Variants in TRPC4 observed in about 807,000 individuals in gnomAD.
TRPC4 encodes transient receptor potential cation channel subfamily C member 4.
In TRPC4, 49 loss-of-function variants were observed where a neutral mutation model predicts 99.4. The ratio of observed to expected loss-of-function variants is 0.49; its 90% CI spans 0.39 to 0.63. The LOEUF (loss-of-function observed/expected upper bound fraction) is 0.63, where lower values mean the gene tolerates loss of function less well. Among genes scored for constraint, TRPC4 ranks in the 20% least tolerant of loss-of-function variants. TRPC4 has a pLI of 0.00. For missense variants in TRPC4, 898 were observed against 1,152.9 expected (o/e 0.78, Z 3.20); for synonymous variants, 454 against 425.9 (o/e 1.07, Z -0.81).
intron 4 of TRPC4, among the ~76,000 whole-genome samples, chr13:37,678,255 A>G (rs1953124411): frequency 6.6e-6 from 1 of 152,068 alleles, no homozygotes; most frequent in African/African-American, 2.4e-5. Flanking sequence ...CAGAAAGAAG[A>G]AAATAACAAA....
At chr13:37,748,515 G>A (rs1410805961) in intron 2 of TRPC4, among the ~76,000 whole-genome samples, 1 of 151,840 alleles carries the variant, frequency 6.6e-6, no homozygotes, top group Non-Finnish European at 1.5e-5. Flanking sequence ...GTATTAAAGA[G>A]AGATATAGTA....
intron 3 of TRPC4, among the ~76,000 whole-genome samples, chr13:37,745,473 TACACAC>T (rs370854698): frequency 0.071 from 378 of 5,298 alleles, 12 homozygotes; most frequent in African/African-American, 0.09. Flanking sequence ...TATATATATA[TACACAC>T]ACACACACAC....
At chr13:37,698,167 CTT>C (rs67611413) in intron 3 of TRPC4, among the ~76,000 whole-genome samples, 1 of 42,556 alleles carries the variant, frequency 2.3e-5, no homozygotes, top group Non-Finnish European at 3.7e-5. Flanking sequence ...AAGGACTAAC[CTT>C]TTTTTTTTTG....
chr13:37,651,381 T>A lies in TRPC4; in HGVS notation c.1963A>T (p.Thr655Ser). ...SYFEEGGTLP[T>S]PFNVIPSPKS... ...GGGCTCGGGATGACATTGAAGGGAGTAGGCAGAGTACCTCCTTCTTCAAAA... is the reference window on the plus strand; with the variant it reads ...GGGCTCGGGATGACATTGAAGGGAGAAGGCAGAGTACCTCCTTCTTCAAAA... Residue 655 changes from threonine to serine, a missense_variant, in exon 8 of 11, where the codon ACT becomes TCT. Physicochemically the swap from Thr to Ser is moderately conservative, Grantham distance 58. Coordinates refer to ENST00000379705, the MANE Select transcript of TRPC4 (RefSeq NM_016179.4). 2 of 1,613,920 alleles carry A rather than the reference T, an allele frequency of 1.2e-6. No individual in the cohort carries two copies. Among genetic ancestry groups the A allele is most frequent in the Non-Finnish European group, 1.7e-6 (2 of 1,179,926 alleles).
intron 1 of TRPC4, among the ~76,000 whole-genome samples, chr13:37,836,597 T>G (rs1018170899): frequency 6.6e-5 from 10 of 152,238 alleles, no homozygotes; most frequent in African/African-American, 2.2e-4. Context: ...ACTTTGAACT[T>G]GAGAGAGATG....
At chr13:37,769,223 T>A (rs1956476960) in intron 2 of TRPC4, among the ~76,000 whole-genome samples, 1 of 151,490 alleles carries the variant, frequency 6.6e-6, no homozygotes, top group Non-Finnish European at 1.5e-5. Context: ...TGTTTGAAAC[T>A]ATACATATAT....
Position 37,783,076 on chromosome 13 carries a change from G to C in TRPC4, c.258C>G (p.Ile86Met). 3 of 1,613,228 alleles carry C rather than the reference G, an allele frequency of 1.9e-6. No individual in the cohort carries two copies. Among genetic ancestry groups the C allele is most frequent in the South Asian group, 2.2e-5 (2 of 91,050 alleles). Residue 86 changes from isoleucine (I) to methionine (M), a missense_variant, in exon 2 of 11, where the codon ATC (isoleucine) becomes ATG (methionine). Around this residue, in one of 3 missense-constraint regions of TRPC4, gnomAD observed 278 missense variants for 346.6 expected, o/e 0.80. Coordinates refer to ENST00000379705, the MANE Select transcript of TRPC4 (RefSeq NM_016179.4). ...IAIENENLEL[I>M]ELLLSFNVYV... Reference sequence around the variant, plus strand: ...AGACATTAAAGCTTAAGAGTAGTTCGATGAGCTCCAAGTTCTCATTTTCAA... The same window carrying C: ...AGACATTAAAGCTTAAGAGTAGTTCCATGAGCTCCAAGTTCTCATTTTCAA...
At position 37,749,829 on chromosome 13, in the gene TRPC4, C is replaced by T. The variant is rs530817453; in HGVS notation, c.379-3374G>A. Among the ~76,000 whole-genome samples the T allele has an allele frequency of 7.9e-5, 12 of 152,020 alleles. No individual in the cohort carries two copies. The East Asian group carries it at 1.9e-3, about 25-fold the overall frequency. ...ATTGTGATTCATTGCTATCACTATT[C>T]GTTTTATACTTGTTATTAAAGTATA... On this transcript the variant is annotated intron_variant, in intron 2 of 10. Transcript: ENST00000379705.
rs946366663 is a variant in TRPC4, at chr13:37,786,419, G to A, written c.-27-3059C>T. On this transcript the variant is annotated intron_variant, in intron 1 of 10. Coordinates refer to ENST00000379705, the MANE Select transcript of TRPC4 (RefSeq NM_016179.4). ...GTAAGGAAGATCATATAATTTTTCA[G>A]CACATGGGCTTGTCCTTGATTACTT... 2.0e-5 allele frequency among the ~76,000 whole-genome samples: 3 copies of A among 151,742 alleles called. No individual in the cohort carries two copies. The South Asian group carries it at 6.2e-4, about 32-fold the overall frequency.
chr13:37,831,635 G>A (rs1310138972), intron 1 of TRPC4, among the ~76,000 whole-genome samples: 3 of 152,164 alleles, frequency 2.0e-5, no homozygotes, highest in African/African-American at 7.2e-5. Context: ...CAACCTAAGT[G>A]TATATAAATG....
intron 4 of TRPC4, among the ~76,000 whole-genome samples, chr13:37,690,874 C>T (rs752536901): frequency 6.6e-6 from 1 of 151,194 alleles, no homozygotes; most frequent in Non-Finnish European, 1.5e-5. Context: ...TTAACCCAAA[C>T]TGATATTCTG....
At chr13:37,738,058 C>A (rs1384702916) in intron 3 of TRPC4, among the ~76,000 whole-genome samples, 1 of 152,070 alleles carries the variant, frequency 6.6e-6, no homozygotes, top group African/African-American at 2.4e-5. Flanking sequence ...CTTTCCATTC[C>A]CCAGGTCTAC....
At chr13:37,740,442 G>A (rs1400759446) in intron 3 of TRPC4, among the ~76,000 whole-genome samples, 2 of 152,086 alleles carry the variant, frequency 1.3e-5, no homozygotes, top group Admixed American at 1.3e-4. Context: ...AAACCTGTTG[G>A]AGTGATACAC....
At chr13:37,752,823 T>C (rs1383259148) in intron 2 of TRPC4, among the ~76,000 whole-genome samples, 10 of 152,102 alleles carry the variant, frequency 6.6e-5, no homozygotes. Context: ...ATAACTTCAC[T>C]AAATCTTATA....
In TRPC4 at chr13:37,633,984, T is replaced by C. The variant is rs772069816; in HGVS notation, c.*2919A>G. Among the ~76,000 whole-genome samples, 2 of 152,080 alleles carry C rather than the reference T, an allele frequency of 1.3e-5. No individual in the cohort carries two copies. The highest frequency in any genetic ancestry group is 2.1e-4 in the South Asian group (1 of 4,830). ...TATAAATGGGACTTCCAAAATACAA[T>C]TGTGATAAACAAAGTGTTTTAAACT... On this transcript the variant is annotated 3_prime_UTR_variant, in exon 11 of 11. Transcript: ENST00000379705.
chr13:37,835,387 C>T (rs1958538783), intron 1 of TRPC4, among the ~76,000 whole-genome samples: 2 of 152,146 alleles, frequency 1.3e-5, no homozygotes, highest in South Asian at 4.1e-4. Context: ...CTTGTTTCTG[C>T]TAAAGGCAAC....
chr13:37,776,606 G>A (rs1303459014), intron 2 of TRPC4, among the ~76,000 whole-genome samples: 1 of 151,824 alleles, frequency 6.6e-6, no homozygotes, highest in Non-Finnish European at 1.5e-5. Flanking sequence ...AATTTCAATT[G>A]GGTTAACCAC....
chr13:37,795,539 C>T (rs75359501), intron 1 of TRPC4, among the ~76,000 whole-genome samples: 3,093 of 152,186 alleles, frequency 0.02, 44 homozygotes, highest in Middle Eastern at 0.072. Flanking sequence ...GGAGGTGGAG[C>T]TTCACCTAAG....
chr13:37,652,640 C>G lies in TRPC4; in HGVS notation c.1885-1181G>C, dbSNP rs543485452. Among the ~76,000 whole-genome samples the G allele has an allele frequency of 7.9e-3, 5 of 634 alleles. No homozygotes were observed. The East Asian group carries it at 0.28, about 35-fold the overall frequency. The allele number at this position is 634 out of a possible 152,430, so 0.4% of individuals were successfully genotyped here. A position where few individuals can be genotyped will look rare whatever the true frequency, so the allele number is the denominator to read the frequency against. ...CCTTTCCTTTCTCTTTCTTTCTAGA[C>G]AAGTTTATAGGTTCTGGCTGATTAT... is the stretch of plus-strand genomic sequence containing the variant. On this transcript the variant is annotated intron_variant, in intron 7 of 10. Coordinates refer to ENST00000379705, the MANE Select transcript of TRPC4 (RefSeq NM_016179.4).
Sources: gnomAD v4.1 joint callset for allele counts (sites outside exome capture counted in the v4.1 genomes callset) on GRCh38, gnomAD v4.1.1 for gene constraint, gnomAD v4.1.1 regional missense constraint, MANE v1.5 for transcripts, NCBI Gene and HGNC (gene_info 2026-07-23, HGNC 2026-07-21) for gene names.